STIM1: variants seen among roughly 807,000 people sequenced by gnomAD.
STIM1 encodes the protein stromal interaction molecule 1.
Under a neutral mutation model 74.7 loss-of-function variants are expected in STIM1, and 25 were observed. The observed-to-expected ratio is 0.33, with a 90% CI of 0.24 to 0.47. The LOEUF (loss-of-function observed/expected upper bound fraction) is 0.47, where lower values mean the gene tolerates loss of function less well. STIM1 is among the 20% of genes least tolerant of loss of function. The pLI, the probability that STIM1 is intolerant of heterozygous loss-of-function variation, is 1.00. For missense variants in STIM1, 728 were observed against 920.8 expected, an observed-to-expected ratio of 0.79 and a Z score of 2.71; for synonymous variants, 328 against 348.8, an observed-to-expected ratio of 0.94 and a Z score of 0.66.
intron 2 of STIM1, among the ~76,000 whole-genome samples, chr11:4,003,651 T>C (rs61188043): frequency 0.38 from 57,924 of 151,984 alleles, 12,613 homozygotes; most frequent in Non-Finnish European, 0.48. Context: ...GGGCAAAAAC[T>C]GGAAGCATTC....
At chr11:3,938,844 CA>C (rs1005117604) in intron 1 of STIM1, among the ~76,000 whole-genome samples, 1 of 151,832 alleles carries the variant, frequency 6.6e-6, no homozygotes, top group Admixed American at 6.6e-5. Context: ...ACGACTGTCC[CA>C]AAAAAAGACA....
intron 1 of STIM1, chr11:3,892,657 G>A (rs2091932438): frequency 1.9e-6 from 3 of 1,610,454 alleles, no homozygotes; most frequent in Non-Finnish European, 2.5e-6. Flanking sequence ...CCCCGTAGAT[G>A]GACTTGCTGC....
chr11:3,868,344 C>T (rs959052935), intron 1 of STIM1: 3 of 152,218 alleles, frequency 2.0e-5, no homozygotes, highest in African/African-American at 7.2e-5. Context: ...CAAAACAACT[C>T]TTAAGGGTGG....
At chr11:4,009,432 C>T (rs1315197596) in intron 2 of STIM1, among the ~76,000 whole-genome samples, 1 of 151,786 alleles carries the variant, frequency 6.6e-6, no homozygotes, top group Non-Finnish European at 1.5e-5. Flanking sequence ...GGCCAACATG[C>T]TGAAACCCTG....
chr11:4,038,341 C>G (rs1294334708), intron 3 of STIM1, among the ~76,000 whole-genome samples: 1 of 151,910 alleles, frequency 6.6e-6, no homozygotes, highest in Non-Finnish European at 1.5e-5. Context: ...GGCCTACTTT[C>G]AAGATATATT....
chr11:4,004,952 C>A lies in STIM1; in HGVS notation c.271-18921C>A, dbSNP rs754813997. 2.6e-5 allele frequency among the ~76,000 whole-genome samples: 4 copies of A among 152,322 alleles called. No homozygotes were observed. The Middle Eastern group carries it at 0.01, about 389-fold the overall frequency. On this transcript the variant is annotated intron_variant, in intron 2 of 12. Transcript: ENST00000526596. ...TGAACAGACACTTCTCAAAAGAAGACATTTATGCAGCCAAAAAACACATGA... is the reference window on the plus strand; with the variant it reads ...TGAACAGACACTTCTCAAAAGAAGAAATTTATGCAGCCAAAAAACACATGA...
chr11:3,967,651 A>G lies in STIM1; in HGVS notation c.239A>G (p.Asn80Ser), dbSNP rs748277951. 18 of 1,614,120 alleles carry G rather than the reference A, an allele frequency of 1.1e-5. No individual in the cohort carries two copies. Among genetic ancestry groups the G allele is most frequent in the East Asian group, 4.5e-5 (2 of 44,900 alleles). ...NIHKLMDDDANGDVDVEESDE... is the reference protein window; with the variant it reads ...NIHKLMDDDASGDVDVEESDE... ...CACAAACTGATGGACGATGATGCCA[A>G]TGGTGATGTGGATGTGGAAGAAAGT... Residue 80 changes from asparagine to serine, a missense_variant, in exon 2 of 13, where the codon AAT becomes AGT. Physicochemically the swap from Asn to Ser is conservative, Grantham distance 46. Around this residue, in one of 5 missense-constraint regions of STIM1, gnomAD observed 51 missense variants for 101.1 expected, o/e 0.50. Transcript: ENST00000526596.
At chr11:3,946,005 C>A (rs2093068041) in intron 1 of STIM1, among the ~76,000 whole-genome samples, 1 of 152,156 alleles carries the variant, frequency 6.6e-6, no homozygotes, top group Non-Finnish European at 1.5e-5. Flanking sequence ...AAGACAGCAT[C>A]AAGCCAGGAG....
intron 1 of STIM1, among the ~76,000 whole-genome samples, chr11:3,887,434 C>A (rs981249076): frequency 5.9e-5 from 9 of 152,098 alleles, no homozygotes; most frequent in Non-Finnish European, 1.3e-4. Context: ...AAACAATGGA[C>A]TGTAATGGCA....
chr11:4,050,852 A>C (rs1279818452), intron 3 of STIM1, among the ~76,000 whole-genome samples: 1 of 152,256 alleles, frequency 6.6e-6, no homozygotes, highest in Non-Finnish European at 1.5e-5. Context: ...CTTACAATAA[A>C]GTAAGAGAAG....
intron 1 of STIM1, among the ~76,000 whole-genome samples, chr11:3,911,423 G>T (rs2092560048): frequency 6.6e-6 from 1 of 151,910 alleles, no homozygotes; most frequent in African/African-American, 2.4e-5. Context: ...AATTGTTTTT[G>T]TTTTTTTGAG....
At chr11:4,046,160 G>T (rs1366295132) in intron 3 of STIM1, among the ~76,000 whole-genome samples, 1 of 148,940 alleles carries the variant, frequency 6.7e-6, no homozygotes, top group Non-Finnish European at 1.5e-5. Flanking sequence ...TGCCTCCTGG[G>T]TTCCAGTGAT....
chr11:3,941,673 T>TATATATATAGAG (rs141623520), intron 1 of STIM1, among the ~76,000 whole-genome samples: 63 of 90,728 alleles, frequency 6.9e-4, no homozygotes, highest in South Asian at 4.9e-3. Flanking sequence ...TATATATATA[T>TATATATATAGAG]AGAGAGAGAG....
At chr11:3,861,453 C>G (rs1175696113) in intron 1 of STIM1, among the ~76,000 whole-genome samples, 2 of 152,082 alleles carry the variant, frequency 1.3e-5, no homozygotes, top group African/African-American at 2.4e-5. Context: ...CCAGGATGGT[C>G]TTGATCTCCT....
chr11:3,894,304 C>A (rs534352749), intron 1 of STIM1, among the ~76,000 whole-genome samples: 2 of 152,196 alleles, frequency 1.3e-5, no homozygotes, highest in East Asian at 3.9e-4. Flanking sequence ...ACTCTTACAA[C>A]AAAAAGGGCC....
At chr11:3,922,314 A>G (rs538169480) in intron 1 of STIM1, among the ~76,000 whole-genome samples, 2 of 152,158 alleles carry the variant, frequency 1.3e-5, no homozygotes, top group Non-Finnish European at 2.9e-5. Flanking sequence ...ATCTATATAG[A>G]CATATAGATA....
intron 2 of STIM1, among the ~76,000 whole-genome samples, chr11:4,023,027 A>G (rs901544126): frequency 6.6e-6 from 1 of 152,212 alleles, no homozygotes; most frequent in Non-Finnish European, 1.5e-5. Context: ...ATTTGTGGAC[A>G]TGTTTTAAAA....
intron 2 of STIM1, among the ~76,000 whole-genome samples, chr11:4,009,458 C>G (rs747118794): frequency 4.6e-5 from 7 of 151,482 alleles, no homozygotes; most frequent in Non-Finnish European, 8.8e-5. Context: ...ACTAAAAACA[C>G]AAAAATTAGC....
intron 7 of STIM1, among the ~76,000 whole-genome samples, chr11:4,081,306 C>T (rs534550612): frequency 1.3e-5 from 2 of 152,316 alleles, no homozygotes; most frequent in South Asian, 4.1e-4. Context: ...AAGTCTTTTA[C>T]ACTTTAGTGC....
Sources: gnomAD v4.1 joint callset for allele counts (sites outside exome capture counted in the v4.1 genomes callset) on GRCh38, gnomAD v4.1.1 for gene constraint, gnomAD v4.1.1 regional missense constraint, MANE v1.5 for transcripts, NCBI Gene and HGNC (gene_info 2026-07-23, HGNC 2026-07-21) for gene names.